WAC: variants seen among roughly 807,000 people sequenced by gnomAD.
The protein encoded by WAC is WW domain-containing adapter protein with coiled-coil.
Under a neutral mutation model 79.6 loss-of-function variants are expected in WAC, and 11 were observed. The ratio of observed to expected loss-of-function variants is 0.14; its 90% CI spans 0.09 to 0.23. The LOEUF is 0.23. Ranked by LOEUF, WAC falls within the 10% of genes least tolerant of loss-of-function variation. The pLI, the probability that WAC is intolerant of heterozygous loss-of-function variation, is 1.00. For missense variants in WAC, 728 were observed against 773.5 expected, an observed-to-expected ratio of 0.94 and a Z score of 0.70; for synonymous variants, 304 against 276.9, an observed-to-expected ratio of 1.10 and a Z score of -0.97.
At chr10:28,560,972 A>T (rs989741851) in intron 3 of WAC, among the ~76,000 whole-genome samples, 1 of 152,224 alleles carries the variant, frequency 6.6e-6, no homozygotes, top group African/African-American at 2.4e-5. Flanking sequence ...CATGTGAGGT[A>T]GGAAGAGAAC....
chr10:28,560,653 TAAAG>T (rs575527992), intron 3 of WAC, among the ~76,000 whole-genome samples: 284 of 152,278 alleles, frequency 1.9e-3, no homozygotes, highest in Middle Eastern at 3.4e-3. Context: ...CCCAGACTCT[TAAAG>T]AAATTGAGTA....
In WAC at chr10:28,533,520, C is replaced by G. The variant is rs564239132; in HGVS notation, c.-60C>G. On this transcript the variant is annotated 5_prime_UTR_variant, in exon 1 of 14. Transcript: ENST00000354911. The stretch of plus-strand genomic sequence containing the variant: ...CCGCCGCCGCCGCCGCCTGCGCGCC[C>G]GCCCGCCTTTCGCGGCCGCTCTCCC... 119 of 1,177,352 alleles carry G rather than the reference C, an allele frequency of 1.0e-4. 5 individuals are homozygous for G. In the East Asian group the frequency reaches 2.4e-3, roughly 24 times the overall value. 72.9% of individuals were successfully genotyped at this position (1,177,352 alleles called of 1,614,324 possible).
At chr10:28,618,928 A>G (rs1841587898) in intron 13 of WAC, among the ~76,000 whole-genome samples, 1 of 152,190 alleles carries the variant, frequency 6.6e-6, no homozygotes, top group South Asian at 2.1e-4. Flanking sequence ...TATTGTGATG[A>G]TACGGTTTAT....
intron 4 of WAC, among the ~76,000 whole-genome samples, chr10:28,586,292 T>C (rs1353719331): frequency 6.6e-6 from 1 of 152,228 alleles, no homozygotes; most frequent in Admixed American, 6.5e-5. Flanking sequence ...TGCTAAGTCC[T>C]CTGATAAACA....
chr10:28,559,977 A>G (rs948579086), intron 3 of WAC, among the ~76,000 whole-genome samples: 2 of 152,182 alleles, frequency 1.3e-5, no homozygotes, highest in African/African-American at 2.4e-5. Flanking sequence ...GGATTAGGGT[A>G]ATGACAATAG....
chr10:28,581,861 C>T (rs775943557), intron 3 of WAC, among the ~76,000 whole-genome samples: 25 of 152,158 alleles, frequency 1.6e-4, no homozygotes, highest in Non-Finnish European at 3.4e-4. Context: ...CTTCTTGATT[C>T]TGTTCATTCA....
Position 28,614,567 on chromosome 10 carries a change from G to T in WAC, c.1438G>T (p.Val480Phe). The change falls in exon 11 of 14, where the codon GTT (valine) becomes TTT (phenylalanine). Residue 480 changes from valine (V) to phenylalanine (F), a missense_variant and splice_region_variant. By Grantham distance (50) the Val-to-Phe change is conservative. Transcript: ENST00000354911. ...ATCTCACCAGATTTTGACATTTCAGGTTAGTACTCCAGTAGTTAAGCAAGG... is the reference window on the plus strand; with the variant it reads ...ATCTCACCAGATTTTGACATTTCAGTTTAGTACTCCAGTAGTTAAGCAAGG... ...STPPVSSQPK[V>F]STPVVKQGPV... The T allele has an allele frequency of 2.5e-6, 4 of 1,613,282 alleles. No individual in the cohort carries two copies. Among genetic ancestry groups the T allele is most frequent in the Non-Finnish European group, 3.4e-6 (4 of 1,179,384 alleles).
At position 28,552,550 on chromosome 10, in the gene WAC, T is replaced by C. The variant is rs187174153; in HGVS notation, c.274+16793T>C. Among the ~76,000 whole-genome samples the C allele has an allele frequency of 1.2e-4, 18 of 152,312 alleles. No individual in the cohort carries two copies. In the South Asian group the frequency reaches 3.1e-3, roughly 26 times the overall value. Reference sequence around the variant, plus strand: ...CCTTAATTGGTTGGCCTTTGGGTTTTTGAGAAAGCATCATGTTAAGGAATT... The same window carrying C: ...CCTTAATTGGTTGGCCTTTGGGTTTCTGAGAAAGCATCATGTTAAGGAATT... On this transcript the variant is annotated intron_variant, in intron 3 of 13. Transcript: ENST00000354911.
chr10:28,583,185 G>T (rs972453827), intron 3 of WAC, among the ~76,000 whole-genome samples: 2 of 151,974 alleles, frequency 1.3e-5, no homozygotes, highest in African/African-American at 4.8e-5. Flanking sequence ...GACATATCAG[G>T]ATGACAACTA....
intron 3 of WAC, among the ~76,000 whole-genome samples, chr10:28,541,489 G>A (rs1029783512): frequency 2.3e-5 from 3 of 132,048 alleles, no homozygotes; most frequent in Non-Finnish European, 4.6e-5. Context: ...GCAGTGGCAC[G>A]ATCTCGATCT....
chr10:28,556,256 AGAG>A (rs1564383042), intron 3 of WAC, among the ~76,000 whole-genome samples: 1 of 152,098 alleles, frequency 6.6e-6, no homozygotes, highest in African/African-American at 2.4e-5. Context: ...AGCCATCCTA[AGAG>A]GTGTGAGCTA....
intron 3 of WAC, among the ~76,000 whole-genome samples, chr10:28,560,739 T>C (rs1456218918): frequency 6.6e-6 from 1 of 152,210 alleles, no homozygotes; most frequent in Non-Finnish European, 1.5e-5. Context: ...TAGAGTCTCT[T>C]GCAAACGTAG....
chr10:28,592,419 C>T (rs956749037), intron 6 of WAC, among the ~76,000 whole-genome samples: 1 of 151,972 alleles, frequency 6.6e-6, no homozygotes, highest in Non-Finnish European at 1.5e-5. Flanking sequence ...GTCAAGAGAT[C>T]GAGCCCATCC....
At chr10:28,594,591 T>C (rs1024295365) in intron 6 of WAC, among the ~76,000 whole-genome samples, 4 of 152,204 alleles carry the variant, frequency 2.6e-5, no homozygotes, top group Non-Finnish European at 5.9e-5. Context: ...CCGGTACCTT[T>C]TGTTGTGGTG....
At chr10:28,614,373 G>A (rs1016124206) in intron 10 of WAC, among the ~76,000 whole-genome samples, 194 bp from the exon 11 acceptor site, 3 of 152,360 alleles carry the variant, frequency 2.0e-5, no homozygotes, top group East Asian at 1.9e-4. Flanking sequence ...GATTACAGGC[G>A]TGAGCCACCG....
intron 3 of WAC, among the ~76,000 whole-genome samples, chr10:28,561,591 T>C (rs371551051): frequency 2.0e-5 from 3 of 152,198 alleles, no homozygotes; most frequent in African/African-American, 7.2e-5. Context: ...TATGGAACTT[T>C]TAAGTTTTTT....
chr10:28,590,702 C>A lies in WAC; in HGVS notation c.498-18C>A. 6.5e-7 allele frequency: 1 copy of A among 1,538,952 alleles called. No homozygotes were observed. Among genetic ancestry groups the A allele is most frequent in the South Asian group, 1.2e-5 (1 of 81,532 alleles). On this transcript the variant is annotated intron_variant, in intron 5 of 13. Coordinates refer to ENST00000354911, the MANE Select transcript of WAC (RefSeq NM_016628.5). ...CTTAATGTAATTTTTATATGTTTAT[C>A]TTTTTTTTTATTTTTAGAGAACAGA...
intron 6 of WAC, among the ~76,000 whole-genome samples, chr10:28,593,809 T>G (rs1415563708): frequency 6.6e-6 from 1 of 152,208 alleles, no homozygotes; most frequent in East Asian, 1.9e-4. Flanking sequence ...GGATAAAATT[T>G]TTAATTTGCG....
Position 28,617,090 on chromosome 10 carries a change from C to CA in WAC, c.1747-558dup, listed in dbSNP as rs751074015. Among the ~76,000 whole-genome samples the CA allele has an allele frequency of 5.4e-3, 818 of 150,242 alleles. 6 individuals are homozygous for CA. Among genetic ancestry groups the CA allele is most frequent in the Non-Finnish European group, 8.2e-3 (556 of 67,460 alleles). On this transcript the variant is annotated intron_variant, in intron 12 of 13. Transcript: ENST00000354911. ...ACAGTGAGACTCTGTCTCAAAAAAACAAAAAAAAACCCCACTTAATTTTCT... is the reference window on the plus strand; with the variant it reads ...ACAGTGAGACTCTGTCTCAAAAAAACAAAAAAAAAACCCCACTTAATTTTCT...
Sources: gnomAD v4.1 joint callset for allele counts (sites outside exome capture counted in the v4.1 genomes callset) on GRCh38, gnomAD v4.1.1 for gene constraint, MANE v1.5 for transcripts, NCBI Gene and HGNC (gene_info 2026-07-23, HGNC 2026-07-21) for gene names.